Variants in TBCK observed in about 807,000 individuals in gnomAD.
The protein encoded by TBCK is TBC1 domain containing kinase.
In TBCK, 99 loss-of-function variants were observed where a neutral mutation model predicts 113.4. The ratio of observed to expected loss-of-function variants is 0.87; its 90% CI spans 0.74 to 1.03. TBCK has a LOEUF of 1.03. Ranked by LOEUF, TBCK falls within the 50% of genes least tolerant of loss-of-function variation. The pLI, the probability that TBCK is intolerant of heterozygous loss-of-function variation, is 0.00. For synonymous variants in TBCK, 369 were observed against 370.8 expected, an observed-to-expected ratio of 1.00 and a Z score of 0.05; for missense variants, 1,045 against 1,061.3, an observed-to-expected ratio of 0.98 and a Z score of 0.21.
chr4:106,098,576 T>TA (rs1228279183), intron 24 of TBCK, among the ~76,000 whole-genome samples: 3 of 151,992 alleles, frequency 2.0e-5, no homozygotes, highest in Admixed American at 6.6e-5. Context: ...CGTTAAAAGA[T>TA]AAAAAACATC....
At chr4:106,113,858 A>G (rs78701416) in intron 24 of TBCK, among the ~76,000 whole-genome samples, 19,682 of 152,152 alleles carry the variant, frequency 0.13, 1,609 homozygotes, top group South Asian at 0.24. Context: ...TCTCTTAGAT[A>G]CGCCTTTCTT....
At chr4:106,144,696 C>G (rs1747550469) in intron 23 of TBCK, among the ~76,000 whole-genome samples, 1 of 152,102 alleles carries the variant, frequency 6.6e-6, no homozygotes, top group Non-Finnish European at 1.5e-5. Flanking sequence ...GCAATATTTT[C>G]TCTTGCTTCT....
chr4:106,057,354 C>T (rs1735551431), intron 25 of TBCK, among the ~76,000 whole-genome samples: 1 of 151,728 alleles, frequency 6.6e-6, no homozygotes, highest in Admixed American at 6.6e-5. Context: ...AGGGAAGATG[C>T]TTAAATTTTG....
chr4:106,110,763 G>A (rs1170612434), intron 24 of TBCK, among the ~76,000 whole-genome samples: 1 of 152,076 alleles, frequency 6.6e-6, no homozygotes, highest in Non-Finnish European at 1.5e-5. Context: ...GGGAAGGGAG[G>A]AAGAACTGTC....
At chr4:106,212,352 A>G (rs1405286252) in intron 20 of TBCK, among the ~76,000 whole-genome samples, 1 of 152,148 alleles carries the variant, frequency 6.6e-6, no homozygotes, top group Non-Finnish European at 1.5e-5. Flanking sequence ...GACTACAGAG[A>G]AAAGAAAACC....
At chr4:106,282,946 AC>A (rs1172665225) in intron 3 of TBCK, among the ~76,000 whole-genome samples, 1 of 152,064 alleles carries the variant, frequency 6.6e-6, no homozygotes, top group Non-Finnish European at 1.5e-5. Context: ...TCTGCCAACA[AC>A]CTTTATCAGC....
chr4:106,218,711 C>G (rs1757296722), intron 19 of TBCK, among the ~76,000 whole-genome samples: 1 of 118,242 alleles, frequency 8.5e-6, no homozygotes, highest in African/African-American at 3.1e-5. Flanking sequence ...ATTAAAAAGT[C>G]AGGAAACAAC....
At chr4:106,234,940 A>G (rs1333993864) in intron 15 of TBCK, among the ~76,000 whole-genome samples, 1 of 152,138 alleles carries the variant, frequency 6.6e-6, no homozygotes, top group African/African-American at 2.4e-5. Context: ...AAACAATCAT[A>G]TTCTATAACA....
chr4:106,063,076 T>C lies in TBCK; in HGVS notation c.2572-16396A>G, dbSNP rs76836490. ...AACAAATCAGAGTTATGTAGAAGAG[T>C]TTCCACTGTTACTCCCAACTTTTAT... On this transcript the variant is annotated intron_variant, in intron 25 of 25. Transcript: ENST00000394708. Among the ~76,000 whole-genome samples the C allele has an allele frequency of 5.1e-3, 769 of 151,976 alleles. 13 individuals are homozygous for C. The highest frequency in any genetic ancestry group is 0.034 in the East Asian group (176 of 5,142).
intron 24 of TBCK, among the ~76,000 whole-genome samples, chr4:106,102,916 T>A (rs1169989185): frequency 1.3e-5 from 2 of 152,192 alleles, no homozygotes; most frequent in African/African-American, 4.8e-5. Context: ...ATTAAATATG[T>A]AATCACTTCT....
At chr4:106,229,713 T>C (rs1421349668) in intron 19 of TBCK, among the ~76,000 whole-genome samples, 1 of 151,974 alleles carries the variant, frequency 6.6e-6, no homozygotes, top group Non-Finnish European at 1.5e-5. Context: ...CAGGACAGCT[T>C]TGGCTATTCT....
chr4:106,116,251 T>C lies in TBCK; in HGVS notation c.2363A>G (p.Lys788Arg). ...CACCAGGAGCTTTGGTTTACTGGAC[T>C]TTGTTTTCTTGCTGGGTGTTTTGAA... ...GHFKTPSKKT[K>R]SSKPKLLVVD... is the part of the protein sequence containing the mutation. Residue 788 changes from lysine (K) to arginine (R), a missense_variant, in exon 24 of 26, where the codon AAG (lysine) becomes AGG (arginine). By Grantham distance (26) the Lys-to-Arg change is conservative. Coordinates refer to ENST00000394708, the MANE Select transcript of TBCK (RefSeq NM_001163435.3). The C allele has an allele frequency of 6.2e-7, 1 of 1,614,156 alleles. No individual in the cohort carries two copies.
intron 18 of TBCK, among the ~76,000 whole-genome samples, chr4:106,231,030 A>C (rs1373292269): frequency 2.0e-5 from 3 of 151,822 alleles, no homozygotes; most frequent in Non-Finnish European, 4.4e-5. Context: ...TGCTATTTTT[A>C]CTTAATTCCA....
intron 23 of TBCK, among the ~76,000 whole-genome samples, chr4:106,141,871 T>C (rs1191037965): frequency 1.4e-5 from 2 of 141,232 alleles, no homozygotes; most frequent in African/African-American, 5.0e-5. Flanking sequence ...AAAAGAAAGC[T>C]AATTCTACAA....
intron 23 of TBCK, among the ~76,000 whole-genome samples, chr4:106,124,154 A>G (rs1340423161): frequency 6.6e-6 from 1 of 152,116 alleles, no homozygotes; most frequent in Non-Finnish European, 1.5e-5. Context: ...CAAATTTACA[A>G]GAAAAAACAA....
intron 25 of TBCK, among the ~76,000 whole-genome samples, chr4:106,054,601 T>G (rs747092489): frequency 6.6e-6 from 1 of 151,728 alleles, no homozygotes; most frequent in Non-Finnish European, 1.5e-5. Context: ...TCCATGACAG[T>G]AGGAACTTAA....
Position 106,260,507 on chromosome 4 carries a change from G to T in TBCK, c.385C>A (p.His129Asn). The stretch of plus-strand genomic sequence containing the variant: ...AGTCCAAATTTAGCCAATTTAATAT[G>T]TCCCTATGATAATAAAGAAAAAAAA... ...PHNILLDRKG[H>N]IKLAKFGLYH... The change falls in exon 5 of 26, where the codon CAT becomes AAT. Residue 129 changes from histidine to asparagine, a missense_variant. His to Asn is a moderately conservative substitution (Grantham distance 68). Coordinates refer to ENST00000394708, the MANE Select transcript of TBCK (RefSeq NM_001163435.3). 2 of 1,240,228 alleles carry T rather than the reference G, an allele frequency of 1.6e-6. No individual in the cohort carries two copies. The highest frequency in any genetic ancestry group is 2.8e-5 in the East Asian group (1 of 35,226). The allele number at this position is 1,240,228 out of a possible 1,614,324, so 76.8% of individuals were successfully genotyped here.
At chr4:106,241,035 G>C (rs923128321) in intron 12 of TBCK, among the ~76,000 whole-genome samples, 1 of 151,942 alleles carries the variant, frequency 6.6e-6, no homozygotes, top group Non-Finnish European at 1.5e-5. Flanking sequence ...TTTGCTAATA[G>C]ATCATATCAA....
intron 19 of TBCK, among the ~76,000 whole-genome samples, chr4:106,217,064 T>C (rs1323690507): frequency 6.6e-6 from 1 of 151,804 alleles, no homozygotes; most frequent in Non-Finnish European, 1.5e-5. Context: ...TGGTTCAATA[T>C]ACACAAATCA....
Sources: gnomAD v4.1 joint callset for allele counts (sites outside exome capture counted in the v4.1 genomes callset) on GRCh38, gnomAD v4.1.1 for gene constraint, MANE v1.5 for transcripts, NCBI Gene and HGNC (gene_info 2026-07-23, HGNC 2026-07-21) for gene names.